Variants in TEX11 observed in about 807,000 individuals in gnomAD.
The protein encoded by TEX11 is testis-expressed protein 11.
Under a neutral mutation model 84.4 loss-of-function variants are expected in TEX11, and 7 were observed. That is an observed-to-expected ratio of 0.08 (90% CI 0.05 to 0.16). The LOEUF is 0.16. Ranked by LOEUF, TEX11 falls within the 10% of genes least tolerant of loss-of-function variation. The pLI, the probability that TEX11 is intolerant of heterozygous loss-of-function variation, is 1.00. For synonymous variants in TEX11, 264 were observed against 222.8 expected, an observed-to-expected ratio of 1.18 and a Z score of -1.64; for missense variants, 551 against 660.5, an observed-to-expected ratio of 0.83 and a Z score of 1.82.
At chrX:70,786,021 T>G (rs1355794157) in intron 9 of TEX11, among the ~76,000 whole-genome samples, 1 of 111,883 alleles carries the variant, frequency 8.9e-6, no homozygotes, top group Non-Finnish European at 1.9e-5. Flanking sequence ...CGTGCACACA[T>G]ATGTTTATTG....
intron 8 of TEX11, among the ~76,000 whole-genome samples, chrX:70,817,094 A>T (rs770250254): frequency 9.3e-6 from 1 of 107,004 alleles, no homozygotes; most frequent in Non-Finnish European, 1.9e-5. Flanking sequence ...AGACGATATC[A>T]TGGTTTTCAG....
intron 11 of TEX11, among the ~76,000 whole-genome samples, chrX:70,726,652 T>C (rs1349516345): frequency 9.1e-6 from 1 of 110,171 alleles, no homozygotes; most frequent in Non-Finnish European, 1.9e-5. Context: ...TGCCTCAGCC[T>C]CCCGAGTAGC....
chrX:70,860,669 C>T (rs991066007), intron 5 of TEX11, among the ~76,000 whole-genome samples, 188 bp downstream of exon 5: 1 of 111,820 alleles, frequency 8.9e-6, no homozygotes, highest in Non-Finnish European at 1.9e-5. Context: ...ACCGTAATTA[C>T]TACAGTATTC....
intron 25 of TEX11, among the ~76,000 whole-genome samples, chrX:70,580,183 T>C (rs1377165801): frequency 1.8e-5 from 2 of 112,380 alleles, no homozygotes; most frequent in Admixed American, 9.4e-5. Context: ...GTCATTATGT[T>C]AAGTGAAATA....
intron 7 of TEX11, among the ~76,000 whole-genome samples, chrX:70,841,174 T>C (rs1295666312): frequency 1.8e-5 from 2 of 110,367 alleles, no homozygotes; most frequent in Non-Finnish European, 3.8e-5. Context: ...CAACAGAATA[T>C]ACATTCTTTT....
chrX:70,742,390 TGTG>T (rs2090739108), intron 10 of TEX11, among the ~76,000 whole-genome samples: 2 of 108,766 alleles, frequency 1.8e-5, no homozygotes, highest in East Asian at 5.6e-4. Context: ...TTTATTTAAT[TGTG>T]GTAAAATACA....
chrX:70,644,071 A>G (rs1022089566), intron 17 of TEX11, among the ~76,000 whole-genome samples: 2 of 102,844 alleles, frequency 1.9e-5, no homozygotes, highest in East Asian at 3.0e-4. Context: ...AAACAAATTT[A>G]CAAGAAAAAA....
At chrX:70,677,810 CTTTTTTTTTTTT>C (rs35653618) in intron 15 of TEX11, among the ~76,000 whole-genome samples, 2 of 63,582 alleles carry the variant, frequency 3.1e-5, no homozygotes, top group African/African-American at 1.4e-4. Context: ...CTTTTCTTTC[CTTTTTTTTTTTT>C]TTTTTTTTTT....
At chrX:70,735,650 C>G in intron 11 of TEX11, among the ~76,000 whole-genome samples, 1 of 112,123 alleles carries the variant, frequency 8.9e-6, no homozygotes, top group Non-Finnish European at 1.9e-5. Context: ...CAATAATTCC[C>G]AAATTGATCT....
At chrX:70,570,400 T>A (rs1463772787) in intron 25 of TEX11, among the ~76,000 whole-genome samples, 1 of 111,951 alleles carries the variant, frequency 8.9e-6, no homozygotes, top group Non-Finnish European at 1.9e-5. Context: ...TCACTCACGG[T>A]GCGCTGCACC....
intron 20 of TEX11, among the ~76,000 whole-genome samples, chrX:70,618,439 G>A (rs2089344383): frequency 9.0e-6 from 1 of 111,448 alleles, no homozygotes; most frequent in African/African-American, 3.3e-5. Context: ...GAAATGAGTT[G>A]AACCTAGACA....
intron 10 of TEX11, among the ~76,000 whole-genome samples, chrX:70,742,148 A>G (rs1256221274): frequency 1.8e-5 from 2 of 110,650 alleles, no homozygotes; most frequent in Non-Finnish European, 3.8e-5. Context: ...AAATAGGGGT[A>G]ACCAATTCCC....
rs907942704 is a variant in TEX11, at chrX:70,874,112, T to C, written c.160-805A>G. Reference sequence around the variant, plus strand: ...CTTTCTCTTTCCTCCTCTCTCATCATGTGATGCCTGCTCCCTTTCCCCTTC... The same window carrying C: ...CTTTCTCTTTCCTCCTCTCTCATCACGTGATGCCTGCTCCCTTTCCCCTTC... On this transcript the variant is annotated intron_variant, in intron 3 of 29. Coordinates refer to ENST00000374333, the MANE Select transcript of TEX11 (RefSeq NM_031276.3). 9.9e-5 allele frequency among the ~76,000 whole-genome samples: 11 copies of C among 111,006 alleles called. 1 individual carries two copies. The highest frequency in any genetic ancestry group is 2.9e-4 in the African/African-American group (9 of 30,529).
chrX:70,623,761 A>G (rs746274822), intron 20 of TEX11, among the ~76,000 whole-genome samples, 189 bp downstream of exon 20: 1 of 101,171 alleles, frequency 9.9e-6, no homozygotes, highest in South Asian at 4.1e-4. Context: ...GCCCAGAGAC[A>G]TTAAGAAACT....
chrX:70,895,820 C>T lies in TEX11; in HGVS notation c.37+11933G>A, dbSNP rs192749928. Among the ~76,000 whole-genome samples, 44 of 111,547 alleles carry T rather than the reference C, an allele frequency of 3.9e-4. 1 individual carries two copies. Among genetic ancestry groups the T allele is most frequent in the African/African-American group, 1.2e-3 (36 of 30,727 alleles). On this transcript the variant is annotated intron_variant, in intron 2 of 29. Transcript: ENST00000374333. ...GTGCCAGGAAAACTGGCTAGCCATA[C>T]GCAGAAAACAGAAACCGGATCCCTT...
chrX:70,803,959 T>C (rs768696198), intron 9 of TEX11, among the ~76,000 whole-genome samples: 83 of 111,922 alleles, frequency 7.4e-4, no homozygotes, highest in Non-Finnish European at 1.2e-3. Flanking sequence ...CCGTGGTTTA[T>C]ATAGCGAGGC....
intron 24 of TEX11, among the ~76,000 whole-genome samples, chrX:70,599,528 T>C (rs2089061044): frequency 9.0e-6 from 1 of 111,369 alleles, no homozygotes; most frequent in Admixed American, 9.5e-5. Context: ...TCTTTTTTTT[T>C]TATTATTATA....
At chrX:70,789,418 C>T (rs1221417458) in intron 9 of TEX11, among the ~76,000 whole-genome samples, 1 of 111,285 alleles carries the variant, frequency 9.0e-6, no homozygotes, top group Non-Finnish European at 1.9e-5. Context: ...ATGGCAAAAC[C>T]CTGTCTCTAC....
At chrX:70,623,863 CT>C in intron 20 of TEX11, 86 bp downstream of exon 20, 1 of 840,459 alleles carries the variant, frequency 1.2e-6, no homozygotes, top group South Asian at 3.1e-5. Flanking sequence ...ACCCACTACA[CT>C]AAGTATCTCT....
Sources: allele counts gnomAD v4.1 joint callset (sites outside exome capture counted in the v4.1 genomes callset), GRCh38; gene constraint gnomAD v4.1.1; transcripts MANE v1.5; gene names NCBI Gene and HGNC (gene_info 2026-07-23, HGNC 2026-07-21).